EPS15L1: variants seen among roughly 807,000 people sequenced by gnomAD.
EPS15L1 encodes epidermal growth factor receptor pathway substrate 15 like 1, also known as epidermal growth factor receptor substrate 15-like 1.
Under a neutral mutation model 117.1 loss-of-function variants are expected in EPS15L1, and 43 were observed. The ratio of observed to expected loss-of-function variants is 0.37; its 90% confidence interval spans 0.29 to 0.47. EPS15L1 has a LOEUF of 0.47. Ranked by LOEUF, EPS15L1 falls within the 20% of genes least tolerant of loss-of-function variation. The pLI, the probability that EPS15L1 is intolerant of heterozygous loss-of-function variation, is 0.99. For synonymous variants in EPS15L1, 459 were observed against 470.5 expected (o/e 0.98, Z 0.32); for missense variants, 981 against 1,164.0 (o/e 0.84, Z 2.29).
At chr19:16,420,479 G>A (rs908072505) in intron 10 of EPS15L1, among the ~76,000 whole-genome samples, 2 of 152,114 alleles carry the variant, frequency 1.3e-5, no homozygotes, top group African/African-American at 2.4e-5. Flanking sequence ...AGTTGGAGGC[G>A]GCTTGGCCAT....
chr19:16,419,684 T>C (rs898716534), intron 10 of EPS15L1, among the ~76,000 whole-genome samples: 2 of 152,246 alleles, frequency 1.3e-5, no homozygotes, highest in Non-Finnish European at 2.9e-5. Flanking sequence ...GACTTATTTA[T>C]ACCCAAATGC....
chr19:16,416,234 TTTTCAGCCAAGTAAACAATCTC>T (rs1358640527), intron 12 of EPS15L1, among the ~76,000 whole-genome samples: 8 of 152,142 alleles, frequency 5.3e-5, no homozygotes, highest in Admixed American at 1.3e-4. Flanking sequence ...GCCCTTTCCA[TTTTCAGCCAAGTAAACAATCTC>T]TTTCCCACAG....
chr19:16,468,436 C>A (rs759035922), intron 1 of EPS15L1, among the ~76,000 whole-genome samples: 18 of 152,192 alleles, frequency 1.2e-4, no homozygotes, highest in Non-Finnish European at 2.5e-4. Context: ...ACCTCCGCCG[C>A]CTGGTTTCAA....
At chr19:16,449,800 G>A (rs187825294) in intron 1 of EPS15L1, among the ~76,000 whole-genome samples, 327 of 152,244 alleles carry the variant, frequency 2.1e-3, no homozygotes, top group Non-Finnish European at 4.0e-3. Flanking sequence ...AGCACACCAT[G>A]GAATACTACT....
upstream of EPS15L1, chr19:16,471,974 G>A: frequency 1.6e-6 from 2 of 1,268,798 alleles, no homozygotes; most frequent in South Asian, 5.3e-5. This position sits in a 1 kb window ranked among gnomAD's most constrained non-coding sequence, Gnocchi z 4.8. Context: ...TCCGAGCGCC[G>A]GGGGAACGGG....
chr19:16,368,769 C>T (rs1164855629), intron 22 of EPS15L1, among the ~76,000 whole-genome samples: 2 of 152,158 alleles, frequency 1.3e-5, no homozygotes, highest in African/African-American at 4.8e-5. Context: ...ATTCACCCTA[C>T]ACAACACAGA....
chr19:16,366,956 T>A (rs1340915532), intron 22 of EPS15L1, among the ~76,000 whole-genome samples: 3 of 152,154 alleles, frequency 2.0e-5, no homozygotes, highest in African/African-American at 4.8e-5. Flanking sequence ...AGGTATAGCT[T>A]ATCTCAAACG....
chr19:16,364,433 CCCTCCCA>C (rs2092104373), intron 22 of EPS15L1, among the ~76,000 whole-genome samples: 1 of 152,196 alleles, frequency 6.6e-6, no homozygotes, highest in African/African-American at 2.4e-5. Context: ...CCCCAGATGT[CCCTCCCA>C]CCTTCAGCTC....
chr19:16,411,779 T>C (rs1048226620), intron 13 of EPS15L1, among the ~76,000 whole-genome samples: 1 of 152,190 alleles, frequency 6.6e-6, no homozygotes, highest in African/African-American at 2.4e-5. Flanking sequence ...AGCTCACTAC[T>C]GCCTTAAACT....
At chr19:16,392,482 G>C (rs2092488170) in intron 18 of EPS15L1, 42 bp from the exon 19 acceptor site, 3 of 1,571,202 alleles carry the variant, frequency 1.9e-6, no homozygotes, top group Admixed American at 1.7e-5. Flanking sequence ...TATACCAAGT[G>C]AAAGAACCCA....
intron 3 of EPS15L1, chr19:16,441,305 T>C (rs1457755653): frequency 1.4e-5 from 3 of 210,194 alleles, no homozygotes; most frequent in Non-Finnish European, 3.0e-5. Context: ...ACCCCGTCCC[T>C]ACTAAAAATA....
intron 1 of EPS15L1, among the ~76,000 whole-genome samples, chr19:16,452,891 G>A (rs554717980): frequency 5.3e-5 from 8 of 151,954 alleles, no homozygotes; most frequent in Middle Eastern, 6.8e-3. Context: ...CCGCCTCCCC[G>A]GTTCATGCCA....
intron 13 of EPS15L1, among the ~76,000 whole-genome samples, chr19:16,409,070 T>C (rs888385132): frequency 6.6e-6 from 1 of 151,880 alleles, no homozygotes; most frequent in South Asian, 2.1e-4. Context: ...CAAAAAAAAA[T>C]TGTTTTTGAA....
chr19:16,463,417 C>G (rs544804433), intron 1 of EPS15L1, among the ~76,000 whole-genome samples: 1 of 152,160 alleles, frequency 6.6e-6, no homozygotes, highest in Admixed American at 6.5e-5. Flanking sequence ...CCTGAAACAA[C>G]CTCAGGCCAG....
At chr19:16,469,708 C>A (rs908869450) in intron 1 of EPS15L1, among the ~76,000 whole-genome samples, 1 of 152,092 alleles carries the variant, frequency 6.6e-6, no homozygotes, top group South Asian at 2.1e-4. Context: ...AAACACACCC[C>A]TCCTCCCCTA....
intron 12 of EPS15L1, 82 bp from the exon 13 acceptor site, chr19:16,413,927 C>G: frequency 2.0e-6 from 2 of 1,007,312 alleles, no homozygotes. Context: ...CTGTTCACCC[C>G]CACAAAAGCC....
At position 16,421,505 on chromosome 19, in the gene EPS15L1, T is replaced by C. The variant is rs982257401; in HGVS notation, c.793-29A>G. The C allele has an allele frequency of 8.2e-6, 13 of 1,594,180 alleles. No homozygotes were observed. The East Asian group carries it at 1.6e-4, about 19-fold the overall frequency. ...AAACAGTTTTTGGCAAAACAGTTAA[T>C]CTGGAAGCTTTTTATGACCCCCAGA... On this transcript the variant is annotated intron_variant, in intron 9 of 23. Transcript: ENST00000455140.
In EPS15L1 at chr19:16,404,492, T is replaced by A. The variant is rs2092635012; in HGVS notation, c.1428+96A>T. 3 of 1,373,436 alleles carry A rather than the reference T, an allele frequency of 2.2e-6. No homozygotes were observed. The highest frequency in any genetic ancestry group is 3.0e-6 in the Non-Finnish European group (3 of 989,182). The allele number at this position is 1,373,436 out of a possible 1,614,324, so 85.1% of individuals were successfully genotyped here. On this transcript the variant is annotated intron_variant, in intron 14 of 23. Coordinates refer to ENST00000455140, the MANE Select transcript of EPS15L1 (RefSeq NM_001258374.3). The surrounding 1 kb of genome is among the most constrained non-coding windows in gnomAD (Gnocchi z 4.2). ...AACTCTATTGACCCAGTAGGATGTCTAAGTGTTGTGTTCCCAGGTAACACG... is the reference window on the plus strand; with the variant it reads ...AACTCTATTGACCCAGTAGGATGTCAAAGTGTTGTGTTCCCAGGTAACACG...
chr19:16,471,985 G>A (rs1473213812), upstream of EPS15L1: 2 of 1,258,286 alleles, frequency 1.6e-6, no homozygotes, highest in Non-Finnish European at 1.0e-6. The surrounding 1 kb of genome is among the most constrained non-coding windows in gnomAD (Gnocchi z 4.8). Flanking sequence ...GGGGAACGGG[G>A]GCGGGGCTGC....
Sources: gnomAD v4.1 joint callset for allele counts (sites outside exome capture counted in the v4.1 genomes callset) on GRCh38, gnomAD v4.1.1 for gene constraint, Gnocchi (gnomAD v3.1) non-coding constraint, MANE v1.5 for transcripts, NCBI Gene and HGNC (gene_info 2026-07-23, HGNC 2026-07-21) for gene names.